The following ZNF540 variants were observed in gnomAD, a reference collection of about 807,000 sequenced individuals.
The protein encoded by ZNF540 is zinc finger protein 540.
ZNF540 carries 3 observed loss-of-function variants against 11.8 expected under a neutral mutation model. The ratio of observed to expected loss-of-function variants is 0.25; its 90% CI spans 0.12 to 0.65. ZNF540 has a LOEUF of 0.65. Among genes scored for constraint, ZNF540 ranks in the 30% least tolerant of loss-of-function variants. ZNF540 has a pLI of 0.83. For synonymous variants in ZNF540, 247 were observed against 259.0 expected (o/e 0.95, Z 0.45); for missense variants, 709 against 793.1 (o/e 0.89, Z 1.27).
At chr19:37,597,690 G>A (rs2044006973) in intron 1 of ZNF540, 1 of 152,406 alleles carries the variant, frequency 6.6e-6, no homozygotes, top group Admixed American at 6.5e-5. Context: ...ACCTCCCAAA[G>A]TGCTGGGATT....
intron 1 of ZNF540, among the ~76,000 whole-genome samples, chr19:37,573,540 AAC>A (rs983625568): frequency 6.6e-5 from 10 of 152,150 alleles, no homozygotes; most frequent in African/African-American, 2.2e-4. Context: ...TTGAAAATAA[AAC>A]ACAGTGGGGT....
At chr19:37,584,200 C>T in intron 1 of ZNF540, 1 of 1,556,552 alleles carries the variant, frequency 6.4e-7, no homozygotes, top group Admixed American at 1.8e-5. Flanking sequence ...TAACACAAAA[C>T]AACAGGAAAT....
intron 3 of ZNF540, among the ~76,000 whole-genome samples, chr19:37,600,385 T>C (rs1405517684): frequency 6.6e-6 from 1 of 152,126 alleles, no homozygotes; most frequent in African/African-American, 2.4e-5. Context: ...TTGAAATTAG[T>C]TAAAGTAAAA....
chr19:37,573,668 C>CAAA (rs55763844), intron 1 of ZNF540, among the ~76,000 whole-genome samples: 2 of 88,130 alleles, frequency 2.3e-5, no homozygotes, highest in Admixed American at 1.2e-4. Flanking sequence ...CTTGTGTCTA[C>CAAA]AAAAAAAAAA....
At chr19:37,591,879 A>T (rs577454547), upstream of ZNF540, among the ~76,000 whole-genome samples, 2 of 152,220 alleles carry the variant, frequency 1.3e-5, no homozygotes, top group Non-Finnish European at 2.9e-5. Flanking sequence ...ATACTTGATG[A>T]AAAAAAGTTC....
intron 1 of ZNF540, among the ~76,000 whole-genome samples, chr19:37,581,961 T>A (rs1221644541): frequency 3.3e-5 from 5 of 152,220 alleles, no homozygotes; most frequent in African/African-American, 9.6e-5. Context: ...CATTTTGCCA[T>A]ATTTCCTTCC....
intron 1 of ZNF540, chr19:37,584,282 C>G: frequency 1.6e-6 from 1 of 636,938 alleles, no homozygotes. Context: ...TTCCTCTGTA[C>G]AATAGAACAA....
intron 1 of ZNF540, among the ~76,000 whole-genome samples, chr19:37,577,833 G>A (rs576183513): frequency 1.3e-5 from 2 of 152,162 alleles, no homozygotes; most frequent in Non-Finnish European, 2.9e-5. Flanking sequence ...AAACAAAGTC[G>A]GAAGTAAATA....
At chr19:37,584,264 G>T in intron 1 of ZNF540, 4 of 805,108 alleles carry the variant, frequency 5.0e-6, no homozygotes, top group Admixed American at 2.8e-5. Context: ...TATTGCCACA[G>T]ATAAAACTTC....
intron 1 of ZNF540, chr19:37,575,719 G>C (rs911286874): frequency 6.6e-6 from 1 of 152,196 alleles, no homozygotes; most frequent in Non-Finnish European, 1.5e-5. Context: ...ACACATCACT[G>C]TGATGGTGTC....
intron 1 of ZNF540, among the ~76,000 whole-genome samples, chr19:37,572,645 G>T (rs1031079939): frequency 1.3e-5 from 2 of 152,142 alleles, no homozygotes; most frequent in Non-Finnish European, 2.9e-5. Context: ...AAGAAAGTAT[G>T]CAAGAACTGC....
chr19:37,598,232 G>C (rs1263335904), intron 1 of ZNF540, 144 bp from the exon 2 acceptor site: 1 of 566,462 alleles, frequency 1.8e-6, no homozygotes. Flanking sequence ...TTGCTGTGGT[G>C]AGTGTGTCGG....
In ZNF540 at chr19:37,552,185, A is replaced by G. The variant is rs553741225; in HGVS notation, c.-73+520A>G. Among the ~76,000 whole-genome samples, 5 of 152,326 alleles carry G rather than the reference A, an allele frequency of 3.3e-5. No homozygotes were observed. In the South Asian group the frequency reaches 1.0e-3, roughly 32 times the overall value. ...TTAAATGTGTGTTGCTTAATTTGCA[A>G]ACATTTTTTAATTTTGACATTAATT... On this transcript the variant is annotated intron_variant, in intron 1 of 4. Transcript: ENST00000592533.
chr19:37,605,955 C>T (rs764440264), intron 4 of ZNF540, among the ~76,000 whole-genome samples: 3 of 152,152 alleles, frequency 2.0e-5, no homozygotes, highest in Non-Finnish European at 4.4e-5. Context: ...ATAAAATTTA[C>T]TCACTGTAAG....
At chr19:37,606,740 GTTA>G (rs1038370111) in intron 4 of ZNF540, among the ~76,000 whole-genome samples, 1 of 152,000 alleles carries the variant, frequency 6.6e-6, no homozygotes. Flanking sequence ...GGTTGTTTGT[GTTA>G]TTATTGAGTT....
At chr19:37,577,443 T>C (rs1401519483) in intron 1 of ZNF540, among the ~76,000 whole-genome samples, 1 of 152,104 alleles carries the variant, frequency 6.6e-6, no homozygotes, top group African/African-American at 2.4e-5. Flanking sequence ...ACATAAAGTA[T>C]AGGAGAAGGG....
chr19:37,557,823 C>G (rs1263074015), intron 1 of ZNF540, among the ~76,000 whole-genome samples: 1 of 152,098 alleles, frequency 6.6e-6, no homozygotes, highest in Non-Finnish European at 1.5e-5. Flanking sequence ...GCATGAGGAG[C>G]CTTAAGGGTT....
chr19:37,554,693 T>A (rs2042641426), intron 1 of ZNF540: 1 of 152,214 alleles, frequency 6.6e-6, no homozygotes, highest in African/African-American at 2.4e-5. Context: ...CATTTACATA[T>A]ATCTTTATAT....
At chr19:37,571,281 G>A (rs1172929607) in intron 1 of ZNF540, among the ~76,000 whole-genome samples, 3 of 152,074 alleles carry the variant, frequency 2.0e-5, no homozygotes, top group African/African-American at 7.2e-5. Flanking sequence ...GATCACCTCA[G>A]GTCGGGAGTT....
Sources: gnomAD v4.1 joint callset for allele counts (sites outside exome capture counted in the v4.1 genomes callset) on GRCh38, gnomAD v4.1.1 for gene constraint, MANE v1.5 for transcripts, NCBI Gene and HGNC (gene_info 2026-07-23, HGNC 2026-07-21) for gene names.